ULK4: variants seen among roughly 807,000 people sequenced by gnomAD.
The protein encoded by ULK4 is inactive serine/threonine-protein kinase ULK4.
A neutral mutation model predicts 160.6 loss-of-function variants in ULK4; 133 were observed. The observed-to-expected ratio is 0.83, with a 90% CI of 0.72 to 0.96. The LOEUF (loss-of-function observed/expected upper bound fraction) is 0.96, where lower values mean the gene tolerates loss of function less well. Ranked by LOEUF, ULK4 falls within the 40% of genes least tolerant of loss-of-function variation. The pLI is 0.00. For synonymous variants in ULK4, 534 were observed against 539.8 expected, an observed-to-expected ratio of 0.99 and a Z score of 0.15; for missense variants, 1,580 against 1,499.5, an observed-to-expected ratio of 1.05 and a Z score of -0.89.
chr3:41,248,262 G>T (rs1056869193), intron 36 of ULK4, among the ~76,000 whole-genome samples: 2 of 152,156 alleles, frequency 1.3e-5, no homozygotes, highest in African/African-American at 4.8e-5. Flanking sequence ...ATGGCATTTT[G>T]CACAAGGCCA....
At chr3:41,360,814 G>A (rs752057713) in intron 35 of ULK4, among the ~76,000 whole-genome samples, 3 of 152,126 alleles carry the variant, frequency 2.0e-5, no homozygotes, top group Non-Finnish European at 4.4e-5. Flanking sequence ...ACAGCCAGCA[G>A]ATGCTGGGCT....
intron 35 of ULK4, among the ~76,000 whole-genome samples, chr3:41,267,617 G>A (rs1313608214): frequency 6.6e-6 from 1 of 152,064 alleles, no homozygotes; most frequent in African/African-American, 2.4e-5. Flanking sequence ...TGAAATAGAG[G>A]ATATGATGGA....
At chr3:41,945,735 G>C (rs1310441708) in intron 2 of ULK4, among the ~76,000 whole-genome samples, 1 of 152,126 alleles carries the variant, frequency 6.6e-6, no homozygotes, top group East Asian at 1.9e-4. Context: ...CTAAACTGCA[G>C]ACTCAAAGAC....
chr3:41,401,334 T>A (rs1276786880), intron 34 of ULK4, among the ~76,000 whole-genome samples: 1 of 152,178 alleles, frequency 6.6e-6, no homozygotes, highest in African/African-American at 2.4e-5. Flanking sequence ...GTAAAGGATT[T>A]TATTGTTGTT....
Position 41,757,393 on chromosome 3 carries a change from G to A in ULK4, c.2194-2905C>T, listed in dbSNP as rs544366029. 7.2e-4 allele frequency among the ~76,000 whole-genome samples: 110 copies of A among 152,172 alleles called. 1 individual carries two copies. The highest frequency in any genetic ancestry group is 1.3e-3 in the Non-Finnish European group (87 of 68,012). On this transcript the variant is annotated intron_variant, in intron 21 of 36. Coordinates refer to ENST00000301831, the MANE Select transcript of ULK4 (RefSeq NM_017886.4). ...CACGCCTGTAATCCCAGCACTTTGG[G>A]AGGCCAAGGCGGGCAGAACACGTGG...
chr3:41,844,357 C>T (rs370044306), intron 17 of ULK4, among the ~76,000 whole-genome samples: 1 of 152,158 alleles, frequency 6.6e-6, no homozygotes, highest in Non-Finnish European at 1.5e-5. Context: ...AGCGCAGCGC[C>T]GGTGGGCCGG....
intron 17 of ULK4, among the ~76,000 whole-genome samples, chr3:41,846,163 T>C (rs1350993898): frequency 6.6e-6 from 1 of 152,154 alleles, no homozygotes; most frequent in African/African-American, 2.4e-5. Flanking sequence ...AAAGTTAACT[T>C]TGGATAGCAT....
intron 35 of ULK4, among the ~76,000 whole-genome samples, chr3:41,367,583 A>G (rs559624628): frequency 6.6e-6 from 1 of 152,306 alleles, no homozygotes; most frequent in Non-Finnish European, 1.5e-5. Context: ...GGATTCCTCC[A>G]GAACTTTTCC....
intron 35 of ULK4, among the ~76,000 whole-genome samples, chr3:41,387,900 G>C (rs1157714112): frequency 2.0e-5 from 3 of 152,190 alleles, no homozygotes; most frequent in Admixed American, 2.0e-4. Flanking sequence ...GTAATGGGAT[G>C]GCTGGGTCAA....
chr3:41,524,772 T>C (rs1272996092), intron 32 of ULK4, among the ~76,000 whole-genome samples: 1 of 152,048 alleles, frequency 6.6e-6, no homozygotes, highest in Non-Finnish European at 1.5e-5. Flanking sequence ...ATCCCGTCTC[T>C]ATAAAATACA....
At chr3:41,439,639 G>A (rs1284859897) in intron 34 of ULK4, among the ~76,000 whole-genome samples, 1 of 152,084 alleles carries the variant, frequency 6.6e-6, no homozygotes, top group East Asian at 1.9e-4. Flanking sequence ...TAGCTTCATA[G>A]TAAGTCTTGA....
At chr3:41,574,627 C>T (rs922903218) in intron 31 of ULK4, among the ~76,000 whole-genome samples, 20 of 148,220 alleles carry the variant, frequency 1.3e-4, no homozygotes, top group African/African-American at 4.9e-4. Context: ...ATGCAAGCTC[C>T]GCCTCCCGGG....
chr3:41,882,260 G>A (rs755535079), intron 17 of ULK4: 22 of 702,838 alleles, frequency 3.1e-5, no homozygotes, highest in South Asian at 2.7e-4. Context: ...TCAAAATCCC[G>A]ATTCCAATGG....
At chr3:41,487,963 A>G (rs968209093) in intron 32 of ULK4, among the ~76,000 whole-genome samples, 1 of 129,756 alleles carries the variant, frequency 7.7e-6, no homozygotes, top group African/African-American at 2.9e-5. Flanking sequence ...AAGGACAGCT[A>G]TTTACCAAAG....
At chr3:41,585,625 A>G (rs2125636428) in intron 31 of ULK4, among the ~76,000 whole-genome samples, 2 of 152,330 alleles carry the variant, frequency 1.3e-5, no homozygotes, top group South Asian at 4.1e-4. Flanking sequence ...TTTCTGTTAT[A>G]TGACACCAAA....
At chr3:41,420,917 C>T (rs1030934373) in intron 34 of ULK4, among the ~76,000 whole-genome samples, 3 of 151,030 alleles carry the variant, frequency 2.0e-5, no homozygotes, top group African/African-American at 7.3e-5. Flanking sequence ...AGTTTGAGAC[C>T]AGCCTGGCCA....
intron 32 of ULK4, among the ~76,000 whole-genome samples, chr3:41,497,709 T>C (rs1422728764): frequency 2.0e-5 from 3 of 152,104 alleles, no homozygotes; most frequent in African/African-American, 7.2e-5. Context: ...AGGAATTGAA[T>C]AACAGAGCTT....
chr3:41,702,254 C>T (rs565889337), intron 27 of ULK4, among the ~76,000 whole-genome samples: 399 of 152,270 alleles, frequency 2.6e-3, no homozygotes, highest in African/African-American at 9.1e-3. Context: ...AAGCGATTCT[C>T]CTGTCTCAGC....
At chr3:41,347,314 A>T (rs79086059) in intron 35 of ULK4, among the ~76,000 whole-genome samples, 8,411 of 152,276 alleles carry the variant, frequency 0.055, 338 homozygotes, top group Non-Finnish European at 0.09. Context: ...TTTGGAAAAA[A>T]ATCATAAAAT....
Sources: allele counts gnomAD v4.1 joint callset (sites outside exome capture counted in the v4.1 genomes callset), GRCh38; gene constraint gnomAD v4.1.1; transcripts MANE v1.5; gene names NCBI Gene and HGNC (gene_info 2026-07-23, HGNC 2026-07-21).